The following CCBE1 variants were observed in gnomAD, a reference collection of about 807,000 sequenced individuals.
CCBE1 encodes collagen and calcium binding EGF domains 1.
In CCBE1, 37 loss-of-function variants were observed where a neutral mutation model predicts 50.0. The observed-to-expected ratio is 0.74, with a 90% CI of 0.57 to 0.97. The LOEUF (loss-of-function observed/expected upper bound fraction) is 0.97, where lower values mean the gene tolerates loss of function less well. Among genes scored for constraint, CCBE1 ranks in the 50% least tolerant of loss-of-function variants. The probability of loss-of-function intolerance (pLI) is 0.00; values close to 1 mark genes in which losing one functional copy is unlikely to be tolerated. For missense variants in CCBE1, 538 were observed against 523.8 expected, an observed-to-expected ratio of 1.03 and a Z score of -0.26; for synonymous variants, 234 against 203.7, an observed-to-expected ratio of 1.15 and a Z score of -1.27.
intron 7 of CCBE1, among the ~76,000 whole-genome samples, chr18:59,443,544 G>A (rs1259175291): frequency 2.0e-5 from 3 of 150,098 alleles, no homozygotes; most frequent in African/African-American, 7.4e-5. Flanking sequence ...TCGTCTCACT[G>A]CAACCTCCGC....
chr18:59,441,024 G>A (rs983375131), intron 7 of CCBE1, among the ~76,000 whole-genome samples: 3 of 152,164 alleles, frequency 2.0e-5, no homozygotes, highest in African/African-American at 7.2e-5. Flanking sequence ...TGAAGACTGT[G>A]GAACACAAAG....
At chr18:59,550,063 A>G (rs979987655) in intron 2 of CCBE1, among the ~76,000 whole-genome samples, 1 of 152,208 alleles carries the variant, frequency 6.6e-6, no homozygotes, top group Non-Finnish European at 1.5e-5. Flanking sequence ...TCTGGGTCCA[A>G]TCCGGTTTGC....
At chr18:59,695,822 G>T (rs913650192) in intron 2 of CCBE1, among the ~76,000 whole-genome samples, 1 of 152,132 alleles carries the variant, frequency 6.6e-6, no homozygotes, top group East Asian at 1.9e-4. Context: ...CTTGTACAGC[G>T]CCTCTAAAAC....
chr18:59,483,155 G>A, intron 2 of CCBE1, among the ~76,000 whole-genome samples: 1 of 152,138 alleles, frequency 6.6e-6, no homozygotes, highest in East Asian at 1.9e-4. Flanking sequence ...ACAAGTTTCA[G>A]CTTTGTCAAA....
chr18:59,502,976 T>C (rs1913695986), intron 2 of CCBE1, among the ~76,000 whole-genome samples: 1 of 152,220 alleles, frequency 6.6e-6, no homozygotes, highest in African/African-American at 2.4e-5. Context: ...CAATCCACGA[T>C]CATGGCCAGA....
At chr18:59,482,196 T>C (rs1399416669) in intron 2 of CCBE1, among the ~76,000 whole-genome samples, 1 of 152,240 alleles carries the variant, frequency 6.6e-6, no homozygotes, top group African/African-American at 2.4e-5. Context: ...CTTTCATCCA[T>C]GTCCCTGCAA....
At chr18:59,566,140 C>T (rs9951220) in intron 2 of CCBE1, among the ~76,000 whole-genome samples, 5,111 of 152,294 alleles carry the variant, frequency 0.034, 299 homozygotes, top group African/African-American at 0.12. Context: ...GGGTGCCCCG[C>T]AGGCAGCAGG....
At chr18:59,594,821 T>C (rs571294743) in intron 2 of CCBE1, among the ~76,000 whole-genome samples, 2 of 152,084 alleles carry the variant, frequency 1.3e-5, no homozygotes, top group South Asian at 4.2e-4. Context: ...TCATTAAGAA[T>C]AGCAGTTCTC....
intron 6 of CCBE1, among the ~76,000 whole-genome samples, chr18:59,451,091 T>A (rs1013586385): frequency 8.5e-5 from 13 of 152,306 alleles, no homozygotes; most frequent in Admixed American, 2.6e-4. Context: ...GGTTTCCCCA[T>A]AAGACAGTAA....
chr18:59,673,310 G>T (rs995969528), intron 2 of CCBE1, among the ~76,000 whole-genome samples: 2 of 152,122 alleles, frequency 1.3e-5, no homozygotes, highest in Non-Finnish European at 2.9e-5. Flanking sequence ...AATTAGCTGG[G>T]TGTGGTGGCA....
chr18:59,447,857 C>T, intron 7 of CCBE1, 126 bp downstream of exon 7: 1 of 1,447,210 alleles, frequency 6.9e-7, no homozygotes, highest in Non-Finnish European at 9.5e-7. Flanking sequence ...GTGGCAGTCC[C>T]ATGGACACCT....
At chr18:59,567,273 A>G (rs1421312306) in intron 2 of CCBE1, among the ~76,000 whole-genome samples, 1 of 150,988 alleles carries the variant, frequency 6.6e-6, no homozygotes, top group Non-Finnish European at 1.5e-5. Flanking sequence ...ATACCCAGCT[A>G]CCCTACCCAC....
chr18:59,478,977 T>A (rs1598936303), intron 3 of CCBE1, among the ~76,000 whole-genome samples: 1 of 152,168 alleles, frequency 6.6e-6, no homozygotes, highest in Admixed American at 6.5e-5. Context: ...TTCTCAAAGG[T>A]CACAGCTATG....
At chr18:59,600,670 G>A (rs906128477) in intron 2 of CCBE1, among the ~76,000 whole-genome samples, 12 of 152,072 alleles carry the variant, frequency 7.9e-5, no homozygotes, top group Non-Finnish European at 1.3e-4. Flanking sequence ...CTCTCTCAAA[G>A]ACAGTGGCTT....
chr18:59,644,019 AC>A (rs1398119866), intron 2 of CCBE1, among the ~76,000 whole-genome samples: 2 of 152,204 alleles, frequency 1.3e-5, no homozygotes, highest in African/African-American at 4.8e-5. Flanking sequence ...CTGGTCCCCA[AC>A]CTTTTTGGTA....
chr18:59,515,242 T>C (rs1056639209), intron 2 of CCBE1, among the ~76,000 whole-genome samples: 7 of 152,232 alleles, frequency 4.6e-5, no homozygotes, highest in Admixed American at 2.0e-4. Flanking sequence ...CTAGCTGGCA[T>C]TGTAGCTACA....
upstream of CCBE1, chr18:59,697,476 G>A (rs545520253): frequency 5.2e-6 from 6 of 1,144,990 alleles, no homozygotes; most frequent in African/African-American, 4.7e-5. Flanking sequence ...CCACCTGCAC[G>A]GGGAGCAGGG....
chr18:59,592,013 C>T (rs529543656), intron 2 of CCBE1, among the ~76,000 whole-genome samples: 8 of 152,182 alleles, frequency 5.3e-5, no homozygotes, highest in African/African-American at 9.7e-5. Flanking sequence ...TCATGTGACA[C>T]GTCCCAGTCA....
chr18:59,601,010 G>GGTTT (rs1555697206), intron 2 of CCBE1, among the ~76,000 whole-genome samples: 1 of 58,004 alleles, frequency 1.7e-5, no homozygotes, highest in South Asian at 8.2e-4. Context: ...CTATGTGTCA[G>GGTTT]TTTTTTTTTT....
Sources: allele counts gnomAD v4.1 joint callset (sites outside exome capture counted in the v4.1 genomes callset), GRCh38; gene constraint gnomAD v4.1.1; transcripts MANE v1.5; gene names NCBI Gene and HGNC (gene_info 2026-07-23, HGNC 2026-07-21).